IQCH: variants seen among roughly 807,000 people sequenced by gnomAD.
The protein encoded by IQCH is IQ motif containing H.
In IQCH, 98 loss-of-function variants were observed where a neutral mutation model predicts 117.0. The observed-to-expected ratio is 0.84, with a 90% CI of 0.71 to 0.99. The LOEUF (loss-of-function observed/expected upper bound fraction) is 0.99, where lower values mean the gene tolerates loss of function less well. Ranked by LOEUF, IQCH falls within the 50% of genes least tolerant of loss-of-function variation. The probability of loss-of-function intolerance (pLI) is 0.00; values close to 1 mark genes in which losing one functional copy is unlikely to be tolerated. For missense variants in IQCH, 1,102 were observed against 1,243.8 expected (o/e 0.89, Z 1.72); for synonymous variants, 412 against 448.2 (o/e 0.92, Z 1.02).
intron 4 of IQCH, among the ~76,000 whole-genome samples, chr15:67,336,015 G>C (rs991422429): frequency 6.6e-6 from 1 of 151,802 alleles, no homozygotes; most frequent in South Asian, 2.1e-4. Context: ...ATAAGGTATT[G>C]TGCAACCGAG....
At chr15:67,298,880 CAACT>C (rs1172251246) in intron 4 of IQCH, among the ~76,000 whole-genome samples, 1 of 151,938 alleles carries the variant, frequency 6.6e-6, no homozygotes, top group Middle Eastern at 3.2e-3. Context: ...ACAACAACAA[CAACT>C]AAAAATAAAG....
intron 3 of IQCH, among the ~76,000 whole-genome samples, chr15:67,272,646 A>G (rs1965948766): frequency 6.6e-6 from 1 of 152,194 alleles, no homozygotes; most frequent in South Asian, 2.1e-4. Flanking sequence ...TGTTCTATCT[A>G]CTTGCTGAAT....
At chr15:67,297,383 C>T (rs1268604383) in intron 4 of IQCH, among the ~76,000 whole-genome samples, 6 of 152,092 alleles carry the variant, frequency 3.9e-5, no homozygotes, top group South Asian at 2.1e-4. Flanking sequence ...TTGGCAAAGT[C>T]TTTGAAAGCA....
chr15:67,427,580 C>T lies in IQCH; in HGVS notation c.2505+6003C>T, dbSNP rs977137838. 4.6e-5 allele frequency among the ~76,000 whole-genome samples: 7 copies of T among 152,096 alleles called. No homozygotes were observed. Among genetic ancestry groups the T allele is most frequent in the African/African-American group, 1.7e-4 (7 of 41,402 alleles). ...ATCACTTTCCCTCATTTTCAGTTTTCTCAGCTATAAAATGAGGAGGTTAGC... is the reference window on the plus strand; with the variant it reads ...ATCACTTTCCCTCATTTTCAGTTTTTTCAGCTATAAAATGAGGAGGTTAGC... On this transcript the variant is annotated intron_variant, in intron 16 of 20. Coordinates refer to ENST00000335894, the MANE Select transcript of IQCH (RefSeq NM_001031715.3). This position sits in a 1 kb window ranked among gnomAD's most constrained non-coding sequence, Gnocchi z 4.7.
rs1969890902 is a variant in IQCH, at chr15:67,356,405, T to C, written c.638-940T>C. The stretch of plus-strand genomic sequence containing the variant: ...AAAGGCTCTGCTATTTTTCCTACTC[T>C]TTAAAAAAGAGCTGAAGATATTCCT... On this transcript the variant is annotated intron_variant, in intron 6 of 20. Transcript: ENST00000335894. The surrounding 1 kb of genome is among the most constrained non-coding windows in gnomAD (Gnocchi z 5.3). Among the ~76,000 whole-genome samples, 1 of 152,202 alleles carries C rather than the reference T, an allele frequency of 6.6e-6. No individual in the cohort carries two copies. The highest frequency in any genetic ancestry group is 1.5e-5 in the Non-Finnish European group (1 of 68,038).
In IQCH at chr15:67,453,632, C is replaced by G. The variant is rs900665000; in HGVS notation, c.2506-11495C>G. Among the ~76,000 whole-genome samples the G allele has an allele frequency of 6.6e-6, 1 of 152,186 alleles. No homozygotes were observed. The highest frequency in any genetic ancestry group is 1.5e-5 in the Non-Finnish European group (1 of 68,034). ...CGGCCATGTAAGGTGTCAGTCCGCCCCTACTGGGGGGTGCCTCCCAGTTAG... is the reference window on the plus strand; with the variant it reads ...CGGCCATGTAAGGTGTCAGTCCGCCGCTACTGGGGGGTGCCTCCCAGTTAG... On this transcript the variant is annotated intron_variant, in intron 16 of 20. Transcript: ENST00000335894. The surrounding 1 kb of genome is among the most constrained non-coding windows in gnomAD (Gnocchi z 5.8).
intron 19 of IQCH, among the ~76,000 whole-genome samples, chr15:67,492,736 AC>A (rs890328844): frequency 3.9e-5 from 6 of 152,150 alleles, no homozygotes. Flanking sequence ...GGGTAGTATC[AC>A]CCAGGCAGAG....
intron 16 of IQCH, among the ~76,000 whole-genome samples, chr15:67,461,355 G>A (rs141572108): frequency 1.3e-3 from 198 of 152,270 alleles, no homozygotes; most frequent in African/African-American, 4.5e-3. Context: ...TAAAAGTTAC[G>A]GAAGAGGAGT....
At chr15:67,470,503 T>A (rs2083046133) in intron 17 of IQCH, among the ~76,000 whole-genome samples, 1 of 152,064 alleles carries the variant, frequency 6.6e-6, no homozygotes, top group Non-Finnish European at 1.5e-5. Context: ...AAAAAGAACA[T>A]GTAACTGGAC....
chr15:67,290,268 A>G (rs1372477354), intron 4 of IQCH, among the ~76,000 whole-genome samples: 1 of 152,076 alleles, frequency 6.6e-6, no homozygotes, highest in Admixed American at 6.6e-5. Flanking sequence ...ATAGCTTTGA[A>G]AATCCTAGAG....
rs1314187534 is a variant in IQCH at position 67,370,898 on chromosome 15, G to A, written c.754-1213G>A. On this transcript the variant is annotated intron_variant, in intron 8 of 20. Transcript: ENST00000335894. This position sits in a 1 kb window ranked among gnomAD's most constrained non-coding sequence, Gnocchi z 5.6. ...CCCAGGACCGGAGAAAAGAAAACGC[G>A]TGAATAATCTGATATAGTAATACTC... 1.3e-5 allele frequency among the ~76,000 whole-genome samples: 2 copies of A among 150,974 alleles called. No homozygotes were observed. The highest frequency in any genetic ancestry group is 6.6e-5 in the Admixed American group (1 of 15,162).
intron 18 of IQCH, among the ~76,000 whole-genome samples, chr15:67,488,092 C>T (rs1039989988): frequency 2.0e-5 from 3 of 152,144 alleles, no homozygotes; most frequent in Admixed American, 6.5e-5. Flanking sequence ...CTGGGAGGAT[C>T]ACTTGAGCCC....
At chr15:67,353,436 T>G (rs1432733538) in intron 6 of IQCH, among the ~76,000 whole-genome samples, 1 of 151,802 alleles carries the variant, frequency 6.6e-6, no homozygotes, top group Middle Eastern at 3.2e-3. Flanking sequence ...CTCAGCTCAC[T>G]GCAACCTCTG....
At chr15:67,446,077 A>G (rs2082384449) in intron 16 of IQCH, among the ~76,000 whole-genome samples, 1 of 152,224 alleles carries the variant, frequency 6.6e-6, no homozygotes, top group Non-Finnish European at 1.5e-5. Context: ...GCTCAATAGA[A>G]AGACATTTCT....
At position 67,465,133 on chromosome 15, in the gene IQCH, G is replaced by C; in HGVS notation, c.2512G>C (p.Ala838Pro). 1.2e-6 allele frequency: 2 copies of C among 1,613,774 alleles called. No individual in the cohort carries two copies. The highest frequency in any genetic ancestry group is 1.7e-4 in the Middle Eastern group (1 of 6,056). ...DPSTLEQQVW[A>P]TGLNLAYSDQ... The stretch of plus-strand genomic sequence containing the variant: ...CGGCTCCTGTTTTAATCAGGTGTGG[G>C]CAACCGGCCTTAACCTCGCATATAG... The change falls in exon 17 of 21, where the codon GCA becomes CCA. Residue 838 changes from alanine (A) to proline (P), a missense_variant. Around this residue, in one of 2 missense-constraint regions of IQCH, gnomAD observed 650 missense variants for 794.3 expected, o/e 0.82. Transcript: ENST00000335894. The surrounding 1 kb of genome is among the most constrained non-coding windows in gnomAD (Gnocchi z 5.9).
At chr15:67,306,140 A>G (rs1967281974) in intron 4 of IQCH, among the ~76,000 whole-genome samples, 1 of 152,088 alleles carries the variant, frequency 6.6e-6, no homozygotes, top group African/African-American at 2.4e-5. Flanking sequence ...ATATAGTTGT[A>G]TGGTAATACT....
Position 67,490,046 on chromosome 15 carries a change from G to A in IQCH, c.2843G>A (p.Arg948Lys). The change falls in exon 19 of 21, where the codon AGA becomes AAA. Residue 948 changes from arginine to lysine, a missense_variant. Transcript: ENST00000335894. This position sits in a 1 kb window ranked among gnomAD's most constrained non-coding sequence, Gnocchi z 4.9. ...TTTATATTATATGAGCACCTGAAGA[G>A]ACACAAGTTGGGAATGTTGTGAGTA... ...TVFILYEHLKRHKLGMLTIGE... is the reference protein window; with the variant it reads ...TVFILYEHLKKHKLGMLTIGE... The A allele has an allele frequency of 6.2e-7, 1 of 1,612,224 alleles. No individual in the cohort carries two copies. The highest frequency in any genetic ancestry group is 8.5e-7 in the Non-Finnish European group (1 of 1,178,368).
intron 1 of IQCH, among the ~76,000 whole-genome samples, chr15:67,256,281 A>C (rs906541687): frequency 5.3e-5 from 8 of 152,274 alleles, no homozygotes; most frequent in African/African-American, 1.9e-4. Context: ...ACTTCCTCCC[A>C]GCCATGATAT....
intron 4 of IQCH, chr15:67,304,476 A>AGGAGCTC: frequency 8.1e-7 from 1 of 1,233,128 alleles, no homozygotes; most frequent in Non-Finnish European, 1.1e-6. Context: ...AGTTGTTTTA[A>AGGAGCTC]TGAGCTCTTA....
Sources: gnomAD v4.1 joint callset for allele counts (sites outside exome capture counted in the v4.1 genomes callset) on GRCh38, gnomAD v4.1.1 for gene constraint, gnomAD v4.1.1 regional missense constraint, Gnocchi (gnomAD v3.1) non-coding constraint, MANE v1.5 for transcripts, NCBI Gene and HGNC (gene_info 2026-07-23, HGNC 2026-07-21) for gene names.